Variants in AGMO observed in about 807,000 individuals in gnomAD.
AGMO encodes the protein alkylglycerol monooxygenase.
AGMO carries 75 observed loss-of-function variants against 60.2 expected under a neutral mutation model. The ratio of observed to expected loss-of-function variants is 1.25; its 90% CI spans 1.03 to 1.51. The LOEUF (loss-of-function observed/expected upper bound fraction) is 1.51, where lower values mean the gene tolerates loss of function less well. Among genes scored for constraint, AGMO ranks in the 40% most tolerant of loss-of-function variants. The pLI, the probability that AGMO is intolerant of heterozygous loss-of-function variation, is 0.00. For synonymous variants in AGMO, 261 were observed against 177.1 expected, an observed-to-expected ratio of 1.47 and a Z score of -3.76; for missense variants, 763 against 525.5, an observed-to-expected ratio of 1.45 and a Z score of -4.42.
the AGMO span, among the ~76,000 whole-genome samples, chr7:15,156,427 G>A: frequency 6.6e-6 from 1 of 152,172 alleles, no homozygotes; most frequent in Non-Finnish European, 1.5e-5. Flanking sequence ...TCCAGTTCCA[G>A]CAGCCAATAC....
intron 3 of AGMO, among the ~76,000 whole-genome samples, chr7:15,518,864 C>T (rs1330887505): frequency 6.6e-6 from 1 of 151,784 alleles, no homozygotes; most frequent in Non-Finnish European, 1.5e-5. Context: ...TAATAAAAAA[C>T]TCCTCCAAGC....
rs1158223810 is a variant in AGMO, at chr7:15,244,304, G to C, written c.1264-42945C>G. ...TCAAAATATATTTGAATATATAAAA[G>C]ACTACCTTGATTCATTGTTGATTGT... On this transcript the variant is annotated intron_variant, in intron 12 of 12. Coordinates refer to ENST00000342526, the MANE Select transcript of AGMO (RefSeq NM_001004320.2). Among the ~76,000 whole-genome samples, 5 of 152,058 alleles carry C rather than the reference G, an allele frequency of 3.3e-5. No individual in the cohort carries two copies. In the East Asian group the frequency reaches 5.8e-4, roughly 18 times the overall value.
At chr7:15,372,299 A>G (rs1296904806) in intron 10 of AGMO, among the ~76,000 whole-genome samples, 1 of 151,948 alleles carries the variant, frequency 6.6e-6, no homozygotes, top group Non-Finnish European at 1.5e-5. Context: ...AAAAATACAA[A>G]AATTAGCCAG....
At chr7:15,357,376 T>A (rs946267144) in intron 12 of AGMO, among the ~76,000 whole-genome samples, 1 of 152,056 alleles carries the variant, frequency 6.6e-6, no homozygotes, top group African/African-American at 2.4e-5. Flanking sequence ...AAACATTCTG[T>A]GATGACAATA....
intron 3 of AGMO, among the ~76,000 whole-genome samples, chr7:15,526,884 G>C (rs1784142328): frequency 6.6e-6 from 1 of 151,866 alleles, no homozygotes; most frequent in Admixed American, 6.6e-5. Context: ...CATTATTATT[G>C]TATCTGTAAT....
intron 3 of AGMO, among the ~76,000 whole-genome samples, chr7:15,527,929 G>A (rs1053283527): frequency 2.0e-5 from 3 of 150,560 alleles, no homozygotes; most frequent in Non-Finnish European, 4.4e-5. Context: ...GTATTGCTCT[G>A]AAAAAAAAAG....
chr7:15,266,832 A>G (rs538405604), intron 12 of AGMO, among the ~76,000 whole-genome samples: 2 of 152,022 alleles, frequency 1.3e-5, no homozygotes, highest in African/African-American at 4.8e-5. Context: ...TGCAACAAAA[A>G]TATTCAGATG....
At chr7:15,546,303 C>A (rs570381408) in intron 2 of AGMO, among the ~76,000 whole-genome samples, 4 of 152,120 alleles carry the variant, frequency 2.6e-5, no homozygotes, top group Non-Finnish European at 5.9e-5. Flanking sequence ...GAGTACACAT[C>A]ACCACACATT....
intron 12 of AGMO, among the ~76,000 whole-genome samples, chr7:15,249,218 G>T (rs1216771178): frequency 6.6e-6 from 1 of 152,094 alleles, no homozygotes; most frequent in African/African-American, 2.4e-5. Flanking sequence ...ACAATTGGAA[G>T]GTATATCTGA....
At chr7:15,198,238 A>AGAGAGAGAGAGG (rs1781179175), downstream of AGMO, among the ~76,000 whole-genome samples, 5 of 111,538 alleles carry the variant, frequency 4.5e-5, no homozygotes, top group Admixed American at 9.5e-5. Context: ...AGAGAGAGAG[A>AGAGAGAGAGAGG]GAGAGAGAGA....
chr7:15,402,812 C>G (rs775239641), intron 5 of AGMO, among the ~76,000 whole-genome samples: 4 of 151,466 alleles, frequency 2.6e-5, no homozygotes, highest in Non-Finnish European at 5.9e-5. Flanking sequence ...TTATCAAAAT[C>G]TCTTACTCAA....
the AGMO span, among the ~76,000 whole-genome samples, chr7:15,167,848 GTCC>G: frequency 6.6e-6 from 1 of 152,154 alleles, no homozygotes; most frequent in African/African-American, 2.4e-5. Context: ...TAAATGCTGT[GTCC>G]TCAAGGAACA....
At chr7:15,472,962 AT>A (rs1378544004) in intron 3 of AGMO, among the ~76,000 whole-genome samples, 1 of 151,930 alleles carries the variant, frequency 6.6e-6, no homozygotes, top group African/African-American at 2.4e-5. Flanking sequence ...TGAACTCTTC[AT>A]GATTGTTGTA....
At position 15,387,217 on chromosome 7, in the gene AGMO, G is replaced by A. The variant is rs896182816; in HGVS notation, c.957+189C>T. On this transcript the variant is annotated intron_variant, in intron 9 of 12. Coordinates refer to ENST00000342526, the MANE Select transcript of AGMO (RefSeq NM_001004320.2). Reference sequence around the variant, plus strand: ...GGTAAAAGGCAGTGTTCACCTGGGAGAAGGCACTCCTTTAATTGGCACAAA... The same window carrying A: ...GGTAAAAGGCAGTGTTCACCTGGGAAAAGGCACTCCTTTAATTGGCACAAA... Among the ~76,000 whole-genome samples the A allele has an allele frequency of 5.9e-5, 9 of 152,352 alleles. No homozygotes were observed. In the Middle Eastern group the frequency reaches 0.01, roughly 173 times the overall value.
chr7:15,375,299 A>G (rs1783404808), intron 10 of AGMO, among the ~76,000 whole-genome samples: 1 of 152,050 alleles, frequency 6.6e-6, no homozygotes, highest in South Asian at 2.1e-4. Context: ...TACAAACTAA[A>G]TACCTTTTCA....
At chr7:15,374,979 T>G (rs1783388602) in intron 10 of AGMO, among the ~76,000 whole-genome samples, 1 of 152,030 alleles carries the variant, frequency 6.6e-6, no homozygotes. Context: ...GCCCAGTATG[T>G]GTGTAATGCA....
At chr7:15,366,363 C>T in intron 10 of AGMO, 141 bp from the exon 11 acceptor site, 1 of 511,380 alleles carries the variant, frequency 2.0e-6, no homozygotes, top group East Asian at 3.2e-5. Context: ...AGCTTGACTA[C>T]ACAGAAAACA....
chr7:15,515,650 A>G (rs931868417), intron 3 of AGMO, among the ~76,000 whole-genome samples: 7 of 152,228 alleles, frequency 4.6e-5, no homozygotes, highest in Admixed American at 1.3e-4. Context: ...ATGCTCCAAT[A>G]GCCTTCTCAT....
At chr7:15,346,853 AG>A in intron 12 of AGMO, among the ~76,000 whole-genome samples, 1 of 92,678 alleles carries the variant, frequency 1.1e-5, no homozygotes, top group African/African-American at 4.9e-5. Flanking sequence ...TTAAATTAGT[AG>A]TAAGTAACTA....
Sources: gnomAD v4.1 joint callset for allele counts (sites outside exome capture counted in the v4.1 genomes callset) on GRCh38, gnomAD v4.1.1 for gene constraint, MANE v1.5 for transcripts, NCBI Gene and HGNC (gene_info 2026-07-23, HGNC 2026-07-21) for gene names.